Variants in DPP10 observed in about 807,000 individuals in gnomAD.
DPP10 encodes inactive dipeptidyl peptidase 10.
DPP10 carries 33 observed loss-of-function variants against 120.9 expected under a neutral mutation model. The ratio of observed to expected loss-of-function variants is 0.27; its 90% CI spans 0.21 to 0.37. The LOEUF (loss-of-function observed/expected upper bound fraction) is 0.37. DPP10 is among the 10% of genes least tolerant of loss of function. DPP10 has a pLI of 1.00. For synonymous variants in DPP10, 337 were observed against 326.1 expected, an observed-to-expected ratio of 1.03 and a Z score of -0.36; for missense variants, 816 against 942.8, an observed-to-expected ratio of 0.87 and a Z score of 1.76.
intron 1 of DPP10, among the ~76,000 whole-genome samples, chr2:114,643,944 T>C (rs1212199221): frequency 7.6e-5 from 11 of 145,148 alleles, no homozygotes; most frequent in Non-Finnish European, 1.7e-4. Flanking sequence ...TATTTTTTTT[T>C]TTTTTTTTGA....
chr2:115,383,305 A>G (rs886309484), intron 3 of DPP10, among the ~76,000 whole-genome samples: 1 of 152,160 alleles, frequency 6.6e-6, no homozygotes, highest in Non-Finnish European at 1.5e-5. Flanking sequence ...TGATGGTTTT[A>G]TACAGGGGAG....
rs114932221 is a variant in DPP10 at position 115,382,982 on chromosome 2, G to T, written c.271+39070G>T. On this transcript the variant is annotated intron_variant, in intron 3 of 25. Coordinates refer to ENST00000410059, the MANE Select transcript of DPP10 (RefSeq NM_020868.6). ...GCATTTAGTAATTTCTGCACAGGGG[G>T]TGCCATACTTAGACAACTCCTTATG... Among the ~76,000 whole-genome samples, 817 of 152,282 alleles carry T rather than the reference G, an allele frequency of 5.4e-3. 8 individuals carry two copies. The highest frequency in any genetic ancestry group is 0.019 in the African/African-American group (770 of 41,556).
intron 5 of DPP10, among the ~76,000 whole-genome samples, chr2:115,544,220 A>G (rs925560224): frequency 5.9e-5 from 9 of 152,052 alleles, no homozygotes; most frequent in African/African-American, 1.9e-4. Flanking sequence ...ATATTCAATA[A>G]TCCTTGAGAA....
At chr2:115,519,715 G>T (rs2077693323) in intron 4 of DPP10, among the ~76,000 whole-genome samples, 1 of 152,088 alleles carries the variant, frequency 6.6e-6, no homozygotes, top group African/African-American at 2.4e-5. Context: ...TCTAGGGACT[G>T]CTGCCTCCTT....
chr2:114,673,253 C>T (rs1303530032), intron 1 of DPP10, among the ~76,000 whole-genome samples: 1 of 152,108 alleles, frequency 6.6e-6, no homozygotes, highest in East Asian at 1.9e-4. Flanking sequence ...TCCATAGTTC[C>T]ACCCAGTGCC....
intron 1 of DPP10, among the ~76,000 whole-genome samples, chr2:114,771,842 G>A (rs1681282927): frequency 6.6e-6 from 1 of 152,092 alleles, no homozygotes; most frequent in Non-Finnish European, 1.5e-5. Context: ...CCACGGCCTG[G>A]ACACATAGTA....
chr2:115,174,011 C>G (rs1007405642), intron 1 of DPP10, among the ~76,000 whole-genome samples: 1 of 152,074 alleles, frequency 6.6e-6, no homozygotes, highest in East Asian at 1.9e-4. Context: ...GTGATGATGT[C>G]GATAAAGAAA....
intron 1 of DPP10, among the ~76,000 whole-genome samples, chr2:114,934,636 G>A (rs1019133411): frequency 6.6e-6 from 1 of 151,992 alleles, no homozygotes; most frequent in Non-Finnish European, 1.5e-5. Flanking sequence ...GTGTGTGTGT[G>A]TGTATGTGTG....
At chr2:115,089,354 T>C (rs1437015036) in intron 1 of DPP10, among the ~76,000 whole-genome samples, 2 of 152,194 alleles carry the variant, frequency 1.3e-5, no homozygotes, top group Admixed American at 1.3e-4. Flanking sequence ...AAATTAATGG[T>C]TAGACTGCCA....
intron 2 of DPP10, among the ~76,000 whole-genome samples, chr2:115,321,809 G>C (rs1293022627): frequency 6.6e-6 from 1 of 151,958 alleles, no homozygotes; most frequent in Non-Finnish European, 1.5e-5. Flanking sequence ...CAAATCTGCT[G>C]TTTTATTCTT....
intron 1 of DPP10, among the ~76,000 whole-genome samples, chr2:114,706,521 A>G (rs978173309): frequency 1.3e-5 from 2 of 152,126 alleles, no homozygotes; most frequent in African/African-American, 4.8e-5. Context: ...ACATCCCTGC[A>G]ATTTCTGCCT....
chr2:114,859,490 T>A lies in DPP10; in HGVS notation c.60+416652T>A, dbSNP rs556446468. 3.3e-5 allele frequency among the ~76,000 whole-genome samples: 5 copies of A among 152,342 alleles called. No homozygotes were observed. In the South Asian group the frequency reaches 1.0e-3, roughly 32 times the overall value. The stretch of plus-strand genomic sequence containing the variant: ...ATATTTTATTCAAATTGAAAGTGGG[T>A]TTATATTTATATTCTGACAAACCAA... On this transcript the variant is annotated intron_variant, in intron 1 of 25. Coordinates refer to ENST00000410059, the MANE Select transcript of DPP10 (RefSeq NM_020868.6).
chr2:114,510,459 C>T (rs1441324939), intron 1 of DPP10, among the ~76,000 whole-genome samples: 1 of 152,034 alleles, frequency 6.6e-6, no homozygotes, highest in Non-Finnish European at 1.5e-5. Context: ...CAAAAATTAG[C>T]TGGGCATGGT....
intron 5 of DPP10, among the ~76,000 whole-genome samples, chr2:115,588,486 C>T (rs2149161186): frequency 6.6e-6 from 1 of 152,252 alleles, no homozygotes. Flanking sequence ...AAGAGGATAC[C>T]TGTGGAACCT....
At chr2:115,824,065 T>C (rs1412548252) in intron 21 of DPP10, among the ~76,000 whole-genome samples, 1 of 152,190 alleles carries the variant, frequency 6.6e-6, no homozygotes. Flanking sequence ...TCTAGCTAGC[T>C]AAATAATTTC....
At chr2:114,534,508 T>C (rs1686321785) in intron 1 of DPP10, among the ~76,000 whole-genome samples, 1 of 152,200 alleles carries the variant, frequency 6.6e-6, no homozygotes, top group Admixed American at 6.6e-5. Context: ...AATTTTTCCT[T>C]GTGCTGCTCA....
At chr2:114,984,307 G>C (rs1040454699) in intron 1 of DPP10, among the ~76,000 whole-genome samples, 1 of 152,236 alleles carries the variant, frequency 6.6e-6, no homozygotes, top group African/African-American at 2.4e-5. Context: ...ATGAACCCTG[G>C]TTTGCAGAAT....
intron 3 of DPP10, among the ~76,000 whole-genome samples, chr2:115,432,617 A>G (rs2071095744): frequency 6.7e-6 from 1 of 148,486 alleles, no homozygotes; most frequent in Non-Finnish European, 1.5e-5. Context: ...AAATATTTTG[A>G]ATTACTTTTG....
At chr2:114,832,440 C>A (rs6729489) in intron 1 of DPP10, among the ~76,000 whole-genome samples, 106,052 of 152,070 alleles carry the variant, frequency 0.7, 37,521 homozygotes, top group South Asian at 0.78. Context: ...GAGGCTGAGG[C>A]AGGAGAAATG....
Sources: gnomAD v4.1 joint callset for allele counts (sites outside exome capture counted in the v4.1 genomes callset) on GRCh38, gnomAD v4.1.1 for gene constraint, MANE v1.5 for transcripts, NCBI Gene and HGNC (gene_info 2026-07-23, HGNC 2026-07-21) for gene names.